Variants in IL31RA observed in about 807,000 individuals in gnomAD.
IL31RA encodes the protein interleukin 31 receptor A.
A neutral mutation model predicts 83.7 loss-of-function variants in IL31RA; 66 were observed. That is an observed-to-expected ratio of 0.79 (90% CI 0.65 to 0.97). The LOEUF (loss-of-function observed/expected upper bound fraction) is 0.97, where lower values mean the gene tolerates loss of function less well. IL31RA is among the 50% of genes least tolerant of loss of function. The probability of loss-of-function intolerance (pLI) is 0.00; values close to 1 mark genes in which losing one functional copy is unlikely to be tolerated. For synonymous variants in IL31RA, 325 were observed against 329.0 expected (o/e 0.99, Z 0.13); for missense variants, 798 against 919.4 (o/e 0.87, Z 1.71).
intron 8 of IL31RA, among the ~76,000 whole-genome samples, chr5:55,904,722 A>G (rs1385974582): frequency 2.6e-5 from 4 of 151,914 alleles, no homozygotes; most frequent in African/African-American, 9.7e-5. Flanking sequence ...CTAAATATAC[A>G]CACAGCCTGC....
At chr5:55,839,802 C>T in the IL31RA span, 2 of 767,188 alleles carry the variant, frequency 2.6e-6, no homozygotes, top group East Asian at 2.4e-5. Flanking sequence ...CCCATAGTTT[C>T]TCTGTCCTTT....
Position 55,918,249 on chromosome 5 carries a change from AG to A in IL31RA, c.*1130del, listed in dbSNP as rs1156266028. ...TGAGATCAGGGCAGGCGAGGCAATGAGTGAGTGGCCCAAGGTGCAGTGAACC... is the reference window on the plus strand; with the variant it reads ...TGAGATCAGGGCAGGCGAGGCAATGATGAGTGGCCCAAGGTGCAGTGAACC... On this transcript the variant is annotated 3_prime_UTR_variant, in exon 15 of 15. Coordinates refer to ENST00000652347, the MANE Select transcript of IL31RA (RefSeq NM_139017.7). 5.9e-5 allele frequency among the ~76,000 whole-genome samples: 9 copies of A among 152,142 alleles called. No homozygotes were observed. The highest frequency in any genetic ancestry group is 8.8e-5 in the Non-Finnish European group (6 of 68,024).
upstream of IL31RA, among the ~76,000 whole-genome samples, chr5:55,850,393 T>C (rs1458740045): frequency 6.6e-6 from 1 of 152,218 alleles, no homozygotes; most frequent in Non-Finnish European, 1.5e-5. Flanking sequence ...TCTTCTATCT[T>C]CTGGAAGATT....
intron 5 of IL31RA, among the ~76,000 whole-genome samples, chr5:55,886,268 C>CTTGCTTTTTTTTTTTTTT (rs1235138364): frequency 4.2e-5 from 3 of 71,510 alleles, no homozygotes; most frequent in African/African-American, 1.5e-4. Flanking sequence ...TGCTTGCTTG[C>CTTGCTTTTTTTTTTTTTT]TTTTTTTTTT....
the IL31RA span, among the ~76,000 whole-genome samples, chr5:55,845,264 G>A: frequency 6.6e-6 from 1 of 152,194 alleles, no homozygotes; most frequent in African/African-American, 2.4e-5. Flanking sequence ...GGGAGAGGAA[G>A]TGTTTGACAG....
intron 5 of IL31RA, among the ~76,000 whole-genome samples, chr5:55,886,268 C>CTTGCTCTTT (rs1235138364): frequency 1.4e-5 from 1 of 71,512 alleles, no homozygotes; most frequent in African/African-American, 7.3e-5. Context: ...TGCTTGCTTG[C>CTTGCTCTTT]TTTTTTTTTT....
At chr5:55,840,353 C>T in the IL31RA span, among the ~76,000 whole-genome samples, 1 of 152,154 alleles carries the variant, frequency 6.6e-6, no homozygotes, top group Non-Finnish European at 1.5e-5. Context: ...ACACTACTGC[C>T]TGGAAGCCAA....
In IL31RA at chr5:55,867,291, A is replaced by ATG. The variant is rs1349625039; in HGVS notation, c.155-1489_155-1488dup. ...TGCGTGTGTGTGCATGTGTGTGTGC[A>ATG]TGTGTGTGTGTGCGTGTGTGTGTGT... On this transcript the variant is annotated intron_variant, in intron 2 of 14. Transcript: ENST00000652347. Among the ~76,000 whole-genome samples, 217 of 22,954 alleles carry ATG rather than the reference A, an allele frequency of 9.5e-3. 2 individuals are homozygous for ATG. The highest frequency in any genetic ancestry group is 0.041 in the African/African-American group (170 of 4,112). The allele number at this position is 22,954 out of a possible 152,430, so 15.1% of individuals were successfully genotyped here. A position where few individuals can be genotyped will look rare whatever the true frequency, so the allele number is the denominator to read the frequency against.
chr5:55,912,830 G>C (rs751117028), intron 12 of IL31RA, among the ~76,000 whole-genome samples: 22 of 151,598 alleles, frequency 1.5e-4, no homozygotes, highest in Non-Finnish European at 2.7e-4. Flanking sequence ...AGCTGGGCAT[G>C]ATGGCTTGCA....
intron 3 of IL31RA, 150 bp downstream of exon 3, chr5:55,869,058 G>A (rs375324174): frequency 1.3e-5 from 9 of 719,314 alleles, no homozygotes; most frequent in African/African-American, 8.7e-5. Context: ...GCTTGTGGAC[G>A]GGATCTGGAG....
At chr5:55,878,634 T>A (rs1036128179) in intron 4 of IL31RA, among the ~76,000 whole-genome samples, 1 of 152,178 alleles carries the variant, frequency 6.6e-6, no homozygotes, top group East Asian at 1.9e-4. Context: ...TCAGTTACAC[T>A]GTATATACAC....
rs1418189922 is a variant in IL31RA at position 55,903,098 on chromosome 5, TG to T, written c.1069+2968del. Among the ~76,000 whole-genome samples the T allele has an allele frequency of 1.3e-5, 2 of 152,192 alleles. No homozygotes were observed. The highest frequency in any genetic ancestry group is 2.9e-5 in the Non-Finnish European group (2 of 68,030). ...ACGTTCCCCTCTTGGAATAAGGGCT[TG>T]GAATGAGGTTCCTTCTGCTCAGCAC... On this transcript the variant is annotated intron_variant, in intron 8 of 14. Transcript: ENST00000652347. The surrounding 1 kb of genome is among the most constrained non-coding windows in gnomAD (Gnocchi z 4.7).
intron 2 of IL31RA, among the ~76,000 whole-genome samples, chr5:55,867,278 C>CGT (rs1746220060): frequency 1.6e-4 from 2 of 12,530 alleles, no homozygotes; most frequent in African/African-American, 4.8e-4. Flanking sequence ...CGTGTGTGTG[C>CGT]ATGTGTGTGT....
In IL31RA at chr5:55,903,948, C is replaced by CCTTA. The variant is rs1748977089; in HGVS notation, c.1070-2156_1070-2153dup. Among the ~76,000 whole-genome samples the CCTTA allele has an allele frequency of 6.6e-6, 1 of 152,170 alleles. No individual in the cohort carries two copies. Reference sequence around the variant, plus strand: ...CTAAAGTCTCTAGGGGAGAATCCTTCCTTACCCCTTCCAGCTTGTAGTGGC... The same window carrying CCTTA: ...CTAAAGTCTCTAGGGGAGAATCCTTCCTTACTTACCCCTTCCAGCTTGTAGTGGC... On this transcript the variant is annotated intron_variant, in intron 8 of 14. Coordinates refer to ENST00000652347, the MANE Select transcript of IL31RA (RefSeq NM_139017.7). The surrounding 1 kb of genome is among the most constrained non-coding windows in gnomAD (Gnocchi z 4.7).
At chr5:55,868,399 C>T (rs181255794) in intron 2 of IL31RA, among the ~76,000 whole-genome samples, 32 of 152,252 alleles carry the variant, frequency 2.1e-4, no homozygotes, top group Admixed American at 9.8e-4. Flanking sequence ...TGAAGTGTGG[C>T]ATGGTTGTAT....
At position 55,917,533 on chromosome 5, in the gene IL31RA, C is replaced by T. The variant is rs1052547206; in HGVS notation, c.*413C>T. ...AGTTCCAGAAGGCCTTTCCCTGCTG[C>T]CAGAGGACAGTTGTTTTGTTGGCTC... On this transcript the variant is annotated 3_prime_UTR_variant, in exon 15 of 15. Transcript: ENST00000652347. Among the ~76,000 whole-genome samples, 2 of 152,084 alleles carry T rather than the reference C, an allele frequency of 1.3e-5. No individual in the cohort carries two copies. Among genetic ancestry groups the T allele is most frequent in the Admixed American group, 1.3e-4 (2 of 15,270 alleles).
chr5:55,864,859 C>A (rs947688773), intron 2 of IL31RA, among the ~76,000 whole-genome samples: 2 of 151,748 alleles, frequency 1.3e-5, no homozygotes, highest in East Asian at 3.9e-4. Context: ...CACACACATA[C>A]CCCACACACA....
chr5:55,845,745 G>A, the IL31RA span, among the ~76,000 whole-genome samples: 1,725 of 152,188 alleles, frequency 0.011, 34 homozygotes, highest in African/African-American at 0.04. Context: ...ATTTATAAAG[G>A]AAACCTCTTT....
intron 1 of IL31RA, among the ~76,000 whole-genome samples, 174 bp from the exon 2 acceptor site, chr5:55,859,335 T>G (rs1745532119): frequency 6.6e-6 from 1 of 152,190 alleles, no homozygotes; most frequent in African/African-American, 2.4e-5. Context: ...ATCTTTAAAA[T>G]GTTGACTGGG....
Sources: allele counts gnomAD v4.1 joint callset (sites outside exome capture counted in the v4.1 genomes callset), GRCh38; gene constraint gnomAD v4.1.1; non-coding constraint Gnocchi (gnomAD v3.1); transcripts MANE v1.5; gene names NCBI Gene and HGNC (gene_info 2026-07-23, HGNC 2026-07-21).